FARP2: variants seen among roughly 807,000 people sequenced by gnomAD.
FARP2 encodes the protein FERM, ARH/RhoGEF and pleckstrin domain protein 2.
A neutral mutation model predicts 130.5 loss-of-function variants in FARP2; 111 were observed. The ratio of observed to expected loss-of-function variants is 0.85; its 90% CI spans 0.73 to 1.00. FARP2 has a LOEUF of 1.00. Ranked by LOEUF, FARP2 falls within the 50% of genes least tolerant of loss-of-function variation. FARP2 has a pLI of 0.00. For missense variants in FARP2, 1,385 were observed against 1,346.3 expected (o/e 1.03, Z -0.45); for synonymous variants, 504 against 516.9 (o/e 0.98, Z 0.34).
chr2:241,493,484 C>T (rs779913006), intron 26 of FARP2, 40 bp downstream of exon 26: 15 of 1,596,348 alleles, frequency 9.4e-6, no homozygotes, highest in African/African-American at 2.7e-5. Context: ...CTGCCCATTT[C>T]GATGTCCGCT....
At chr2:241,362,966 A>G (rs772850206) in intron 1 of FARP2, among the ~76,000 whole-genome samples, 1 of 152,240 alleles carries the variant, frequency 6.6e-6, no homozygotes, top group Non-Finnish European at 1.5e-5. Context: ...AGCATACTCC[A>G]TCTTGCCTCT....
At chr2:241,359,891 C>A (rs1158136989) in intron 1 of FARP2, among the ~76,000 whole-genome samples, 1 of 152,112 alleles carries the variant, frequency 6.6e-6, no homozygotes, top group African/African-American at 2.4e-5. Flanking sequence ...ATGACATAAG[C>A]GAAGGGCTTG....
intron 26 of FARP2, chr2:241,493,785 CAG>C: frequency 2.1e-6 from 1 of 485,314 alleles, no homozygotes; most frequent in Non-Finnish European, 3.7e-6. Context: ...TTAGTAGAGA[CAG>C]GGTTTCACCA....
intron 17 of FARP2, chr2:241,466,188 C>T (rs542277513): frequency 3.9e-4 from 389 of 985,362 alleles, no homozygotes; most frequent in Admixed American, 1.5e-3. Flanking sequence ...CACCCCCTCA[C>T]GGGGCATAAG....
rs369001864 is a variant in FARP2 at position 241,475,933 on chromosome 2, A to G, written c.2208A>G (p.Leu736=). 18 of 1,613,836 alleles carry G rather than the reference A, an allele frequency of 1.1e-5. No homozygotes were observed. In the African/African-American group the frequency reaches 1.3e-4, roughly 12 times the overall value. ...TCCGGCTGGAGAACCTGCAGAAGCT[A>G]ACGGAGCTGCAGCGGGACCTGGTGG... is the stretch of plus-strand genomic sequence containing the variant. The part of the protein sequence containing the change: ...ILIRLENLQK[L]TELQRDLVGI... The change falls in exon 19 of 27, where the codon CTA becomes CTG. Residue 736 remains leucine (L), a synonymous_variant. Coordinates refer to ENST00000264042, the MANE Select transcript of FARP2 (RefSeq NM_014808.4). This position sits in a 1 kb window ranked among gnomAD's most constrained non-coding sequence, Gnocchi z 4.4.
rs752353878 is a variant in FARP2 at position 241,411,063 on chromosome 2, C to T, written c.441C>T (p.Asp147=). ...RYLFALQLKR[D]LLEERLTCAD... is the part of the protein sequence containing the mutation. ...TGTTTGCCTTGCAACTTAAGAGAGA[C>T]CTGCTGGAAGAGCGTTTGACCTGTG... is the stretch of plus-strand genomic sequence containing the variant. Residue 147 remains aspartate (D), a synonymous_variant, in exon 6 of 27, where the codon GAC becomes GAT. Transcript: ENST00000264042. 1.2e-6 allele frequency: 2 copies of T among 1,611,924 alleles called. No individual in the cohort carries two copies. Among genetic ancestry groups the T allele is most frequent in the South Asian group, 2.2e-5 (2 of 90,556 alleles).
chr2:241,447,255 T>A (rs1015027444), intron 13 of FARP2: 1 of 152,232 alleles, frequency 6.6e-6, no homozygotes, highest in Non-Finnish European at 1.5e-5. Context: ...TTTATAACAG[T>A]GTCACTGACA....
At position 241,403,901 on chromosome 2, in the gene FARP2, G is replaced by T. The variant is rs1462985228; in HGVS notation, c.257G>T (p.Gly86Val). The T allele has an allele frequency of 6.2e-7, 1 of 1,613,292 alleles. No homozygotes were observed. Among genetic ancestry groups the T allele is most frequent in the South Asian group, 1.1e-5 (1 of 91,058 alleles). Reference protein sequence around the residue: ...RLNLVECDYFGMEFQNTQSYW... With the variant: ...RLNLVECDYFVMEFQNTQSYW... ...AACCTGGTAGAATGTGACTACTTCGGGATGGAGTTTCAAAATACTCAGTCC... is the reference window on the plus strand; with the variant it reads ...AACCTGGTAGAATGTGACTACTTCGTGATGGAGTTTCAAAATACTCAGTCC... The change falls in exon 3 of 27, where the codon GGG becomes GTG. Residue 86 changes from glycine (G) to valine (V), a missense_variant. Transcript: ENST00000264042.
intron 15 of FARP2, 80 bp from the exon 16 acceptor site, chr2:241,463,255 T>C: frequency 1.3e-6 from 2 of 1,516,108 alleles, no homozygotes; most frequent in Non-Finnish European, 1.8e-6. Flanking sequence ...GGGTGACCTA[T>C]GGCTACAGGC....
chr2:241,396,908 A>C (rs1275992669), intron 2 of FARP2, among the ~76,000 whole-genome samples: 1 of 152,228 alleles, frequency 6.6e-6, no homozygotes, highest in Non-Finnish European at 1.5e-5. Flanking sequence ...GGCACTATTC[A>C]CAATGGCAAA....
At chr2:241,421,078 A>G (rs1421583970) in intron 8 of FARP2, among the ~76,000 whole-genome samples, 1 of 152,194 alleles carries the variant, frequency 6.6e-6, no homozygotes, top group Non-Finnish European at 1.5e-5. Context: ...GCATGGAGCC[A>G]AAGGAACCCC....
chr2:241,493,130 C>A, intron 25 of FARP2, 94 bp downstream of exon 25: 1 of 1,142,056 alleles, frequency 8.8e-7, no homozygotes, highest in Non-Finnish European at 1.3e-6. Context: ...TTGGTTCTGC[C>A]CTCCCATGCT....
chr2:241,417,175 T>A (rs2062695009), intron 7 of FARP2, among the ~76,000 whole-genome samples: 1 of 150,480 alleles, frequency 6.6e-6, no homozygotes, highest in Non-Finnish European at 1.5e-5. Context: ...CGTGCACCTG[T>A]CGTCCCAGCT....
intron 12 of FARP2, among the ~76,000 whole-genome samples, chr2:241,438,605 C>T (rs1297007221): frequency 1.3e-5 from 2 of 150,498 alleles, no homozygotes; most frequent in Non-Finnish European, 3.0e-5. Flanking sequence ...ACATGAAAAC[C>T]TTCTTAAACT....
At chr2:241,413,021 T>C (rs907932540) in intron 6 of FARP2, among the ~76,000 whole-genome samples, 7 of 152,166 alleles carry the variant, frequency 4.6e-5, no homozygotes, top group African/African-American at 1.7e-4. Flanking sequence ...GAACGAGACC[T>C]TGTGTCAAAA....
rs374999833 is a variant in FARP2, at chr2:241,491,677, G to C, written c.2785G>C (p.Glu929Gln). ...CAGGGCAGACCACAGTGCAGCTGTC[G>C]AGGTACGACCGCATGAGCACCACCT... ...VSRADHSAAV[E>Q]NQLSGYLLRK... The change falls in exon 24 of 27, where the codon GAG becomes CAG. Residue 929 changes from glutamate to glutamine, a missense_variant and splice_region_variant. By Grantham distance (29) the Glu-to-Gln change is conservative. Transcript: ENST00000264042. The C allele has an allele frequency of 1.9e-6, 3 of 1,595,580 alleles. No homozygotes were observed. The highest frequency in any genetic ancestry group is 2.6e-6 in the Non-Finnish European group (3 of 1,168,866).
At chr2:241,366,131 A>ATACACG (rs2061313462) in intron 1 of FARP2, among the ~76,000 whole-genome samples, 2 of 136,032 alleles carry the variant, frequency 1.5e-5, no homozygotes, top group Admixed American at 7.5e-5. Context: ...ACGTATATAT[A>ATACACG]TATATATACA....
At chr2:241,427,807 C>A (rs553007246) in intron 8 of FARP2, among the ~76,000 whole-genome samples, 34 of 152,024 alleles carry the variant, frequency 2.2e-4, no homozygotes, top group Non-Finnish European at 3.8e-4. Flanking sequence ...ACTCTGTCGC[C>A]CAGGTGGGAG....
intron 18 of FARP2, among the ~76,000 whole-genome samples, chr2:241,471,946 T>TTCTGCTCTGCAGAGGC (rs2064327791): frequency 8.0e-5 from 12 of 150,206 alleles, no homozygotes; most frequent in East Asian, 2.0e-4. Flanking sequence ...TCTGTGGTGA[T>TTCTGCTCTGCAGAGGC]CCTGTTCTGA....
Sources: allele counts gnomAD v4.1 joint callset (sites outside exome capture counted in the v4.1 genomes callset), GRCh38; gene constraint gnomAD v4.1.1; non-coding constraint Gnocchi (gnomAD v3.1); transcripts MANE v1.5; gene names NCBI Gene and HGNC (gene_info 2026-07-23, HGNC 2026-07-21).